Variants in SRGAP3 observed in about 807,000 individuals in gnomAD.
The protein encoded by SRGAP3 is SLIT-ROBO Rho GTPase activating protein 3.
A neutral mutation model predicts 121.1 loss-of-function variants in SRGAP3; 39 were observed. The ratio of observed to expected loss-of-function variants is 0.32; its 90% CI spans 0.25 to 0.42. The LOEUF is 0.42. SRGAP3 is among the 10% of genes least tolerant of loss of function. The probability of loss-of-function intolerance (pLI) is 1.00; values close to 1 mark genes in which losing one functional copy is unlikely to be tolerated. For missense variants in SRGAP3, 1,213 were observed against 1,470.6 expected, an observed-to-expected ratio of 0.82 and a Z score of 2.86; for synonymous variants, 601 against 570.0, an observed-to-expected ratio of 1.05 and a Z score of -0.77.
intron 18 of SRGAP3, among the ~76,000 whole-genome samples, chr3:9,002,039 T>G (rs1477922219): frequency 1.3e-5 from 2 of 152,106 alleles, no homozygotes; most frequent in African/African-American, 4.8e-5. Flanking sequence ...ATAGAAGACT[T>G]AAACAACACT....
intron 1 of SRGAP3, among the ~76,000 whole-genome samples, chr3:9,203,939 G>A (rs1171871128): frequency 6.6e-6 from 1 of 152,186 alleles, no homozygotes; most frequent in Non-Finnish European, 1.5e-5. Flanking sequence ...GATGGGGCCT[G>A]GTCTCTGGCC....
At chr3:9,127,592 T>G (rs956667376) in intron 1 of SRGAP3, among the ~76,000 whole-genome samples, 7 of 152,078 alleles carry the variant, frequency 4.6e-5, no homozygotes, top group African/African-American at 1.7e-4. Flanking sequence ...GGACGACAGG[T>G]GCGCACCACC....
At chr3:9,359,667 T>G (rs2030694329) in intron 1 of SRGAP3, among the ~76,000 whole-genome samples, 1 of 152,134 alleles carries the variant, frequency 6.6e-6, no homozygotes, top group African/African-American at 2.4e-5. Context: ...TCTTGCCAAG[T>G]AGGCAGGTGA....
intron 8 of SRGAP3, 118 bp from the exon 9 acceptor site, chr3:9,053,342 A>G: frequency 9.7e-7 from 1 of 1,034,748 alleles, no homozygotes; most frequent in Non-Finnish European, 1.5e-6. Context: ...GGATATAGGC[A>G]GAACAAAAAT....
Position 9,284,297 on chromosome 3 carries a change from A to C in SRGAP3, n.442+41713T>G, listed in dbSNP as rs1429075798. 2.0e-5 allele frequency among the ~76,000 whole-genome samples: 3 copies of C among 152,220 alleles called. No homozygotes were observed. The East Asian group carries it at 5.8e-4, about 29-fold the overall frequency. On this transcript the variant is annotated intron_variant and non_coding_transcript_variant, in intron 3 of 3. Transcript: ENST00000490889. ...GATGTGTAAAAGATGTGTGCCTAAA[A>C]GTTGAGATTTAATAAATTAATAATG...
chr3:9,203,796 A>G (rs188263693), intron 1 of SRGAP3, among the ~76,000 whole-genome samples: 1 of 152,372 alleles, frequency 6.6e-6, no homozygotes, highest in Non-Finnish European at 1.5e-5. Flanking sequence ...AAGCAAAGGT[A>G]ATACTGTGTT....
At chr3:8,994,035 C>A in intron 19 of SRGAP3, 1 of 435,474 alleles carries the variant, frequency 2.3e-6, no homozygotes, top group Non-Finnish European at 4.3e-6. Flanking sequence ...AGGCACATGG[C>A]AGGATCCCCT....
At chr3:9,013,643 C>T (rs1386761662) in intron 16 of SRGAP3, 94 bp downstream of exon 16, 66 of 1,559,536 alleles carry the variant, frequency 4.2e-5, no homozygotes, top group Non-Finnish European at 5.8e-5. Flanking sequence ...TCCATGTTCT[C>T]CTTTAAAAAC....
intron 2 of SRGAP3, among the ~76,000 whole-genome samples, chr3:9,115,184 G>A (rs1289939968): frequency 6.6e-6 from 1 of 152,118 alleles, no homozygotes; most frequent in Non-Finnish European, 1.5e-5. Context: ...AGTTGGGGAT[G>A]ACAACACCTT....
chr3:9,228,786 G>C (rs2125215220), intron 1 of SRGAP3, among the ~76,000 whole-genome samples: 1 of 152,332 alleles, frequency 6.6e-6, no homozygotes, highest in East Asian at 1.9e-4. Context: ...TCTAGGCCGG[G>C]CGCGGTGGGC....
chr3:9,181,128 A>G (rs1951384040), intron 1 of SRGAP3, among the ~76,000 whole-genome samples: 1 of 152,202 alleles, frequency 6.6e-6, no homozygotes, highest in African/African-American at 2.4e-5. Context: ...AAGAAGCATA[A>G]TATACCTATA....
chr3:9,259,389 C>G (rs938577052), intron 3 of SRGAP3, among the ~76,000 whole-genome samples: 1 of 152,158 alleles, frequency 6.6e-6, no homozygotes, highest in Non-Finnish European at 1.5e-5. Context: ...AGCGATCCTC[C>G]CCTTTCAGCC....
intron 1 of SRGAP3, among the ~76,000 whole-genome samples, chr3:9,130,238 T>C (rs1560219825): frequency 6.6e-6 from 1 of 152,034 alleles, no homozygotes; most frequent in African/African-American, 2.4e-5. Context: ...CATACATACA[T>C]TCAACGTGGA....
At chr3:9,098,966 T>C (rs988484501) in intron 3 of SRGAP3, among the ~76,000 whole-genome samples, 4 of 152,158 alleles carry the variant, frequency 2.6e-5, no homozygotes, top group Non-Finnish European at 5.9e-5. Flanking sequence ...GTGCCCACTC[T>C]GCTCTCTCCC....
intron 3 of SRGAP3, among the ~76,000 whole-genome samples, chr3:9,279,068 G>A (rs1275857778): frequency 6.6e-6 from 1 of 151,998 alleles, no homozygotes; most frequent in South Asian, 2.1e-4. Flanking sequence ...GAGCCTGGGA[G>A]GCCAAGACTG....
At chr3:9,265,697 G>C (rs1954346969) in intron 3 of SRGAP3, among the ~76,000 whole-genome samples, 1 of 152,212 alleles carries the variant, frequency 6.6e-6, no homozygotes, top group Non-Finnish European at 1.5e-5. Flanking sequence ...AGTTAGAATG[G>C]GGATCATTAA....
chr3:9,317,955 G>C (rs367994110), intron 3 of SRGAP3, among the ~76,000 whole-genome samples: 1 of 152,176 alleles, frequency 6.6e-6, no homozygotes, highest in Admixed American at 6.5e-5. Context: ...CTTTCTACAG[G>C]TGCTGGTTAT....
At position 9,115,385 on chromosome 3, in the gene SRGAP3, T is replaced by C. The variant is rs758432353; in HGVS notation, c.260+9340A>G. On this transcript the variant is annotated intron_variant, in intron 2 of 21. Transcript: ENST00000383836. ...TGTGAAAATCTAATTTTTACATCTA[T>C]TTTTCATTTCTAGTATAAAAATTAA... Among the ~76,000 whole-genome samples the C allele has an allele frequency of 6.0e-4, 92 of 152,376 alleles. 1 individual carries two copies. The highest frequency in any genetic ancestry group is 3.4e-3 in the Middle Eastern group (1 of 294).
chr3:9,087,455 A>C (rs1453623607), intron 3 of SRGAP3, among the ~76,000 whole-genome samples: 1 of 152,108 alleles, frequency 6.6e-6, no homozygotes, highest in African/African-American at 2.4e-5. Context: ...CAAGAACACA[A>C]TTCTAAGGCA....
Sources: allele counts gnomAD v4.1 joint callset (sites outside exome capture counted in the v4.1 genomes callset), GRCh38; gene constraint gnomAD v4.1.1; transcripts MANE v1.5; gene names NCBI Gene and HGNC (gene_info 2026-07-23, HGNC 2026-07-21).